CADPS2: variants seen among roughly 807,000 people sequenced by gnomAD.
CADPS2 encodes the protein calcium-dependent secretion activator 2.
A neutral mutation model predicts 172.5 loss-of-function variants in CADPS2; 93 were observed. The observed-to-expected ratio is 0.54, with a 90% CI of 0.46 to 0.64. CADPS2 has a LOEUF of 0.64. CADPS2 is among the 30% of genes least tolerant of loss of function. The probability of loss-of-function intolerance (pLI) is 0.00; values close to 1 mark genes in which losing one functional copy is unlikely to be tolerated. For synonymous variants in CADPS2, 546 were observed against 555.2 expected (o/e 0.98, Z 0.23); for missense variants, 1,420 against 1,565.9 (o/e 0.91, Z 1.57).
chr7:122,421,893 T>C (rs1367452600), intron 17 of CADPS2: 1 of 152,244 alleles, frequency 6.6e-6, no homozygotes, highest in African/African-American at 2.4e-5. Flanking sequence ...GGTGGGTATG[T>C]GTTCGAGTTT....
At chr7:122,541,592 CAT>C (rs1030277028) in intron 8 of CADPS2, among the ~76,000 whole-genome samples, 3 of 141,098 alleles carry the variant, frequency 2.1e-5, no homozygotes, top group Non-Finnish European at 4.6e-5. Flanking sequence ...TTTATATATT[CAT>C]ATATATTTAT....
At chr7:122,878,852 T>C (rs1173585736) in intron 1 of CADPS2, among the ~76,000 whole-genome samples, 2 of 152,110 alleles carry the variant, frequency 1.3e-5, no homozygotes, top group Non-Finnish European at 2.9e-5. Flanking sequence ...TAGTGTTAAA[T>C]TCACATAATA....
At chr7:122,446,030 G>C (rs2052145782) in intron 15 of CADPS2, among the ~76,000 whole-genome samples, 1 of 152,150 alleles carries the variant, frequency 6.6e-6, no homozygotes, top group South Asian at 2.1e-4. Flanking sequence ...TAAGAAGTGA[G>C]AGCAGACATC....
At chr7:122,820,474 T>C (rs1336765850) in intron 1 of CADPS2, among the ~76,000 whole-genome samples, 3 of 150,808 alleles carry the variant, frequency 2.0e-5, no homozygotes, top group Non-Finnish European at 1.5e-5. Context: ...GTTAGTGTGG[T>C]CAGAATTCTT....
At chr7:122,498,513 ATTTC>A (rs1044967051) in intron 9 of CADPS2, among the ~76,000 whole-genome samples, 7 of 151,688 alleles carry the variant, frequency 4.6e-5, no homozygotes, top group African/African-American at 1.7e-4. Context: ...ATATCTTTTA[ATTTC>A]TTTATGTATA....
chr7:122,762,025 T>C (rs2093401884), intron 1 of CADPS2, among the ~76,000 whole-genome samples: 1 of 80,314 alleles, frequency 1.2e-5, no homozygotes, highest in Non-Finnish European at 2.3e-5. Flanking sequence ...TATATATATA[T>C]ATATACACAC....
At chr7:122,539,059 C>T (rs2062632277) in intron 8 of CADPS2, among the ~76,000 whole-genome samples, 1 of 152,056 alleles carries the variant, frequency 6.6e-6, no homozygotes, top group South Asian at 2.1e-4. Flanking sequence ...ACACATTTTA[C>T]AAGGATACAC....
intron 1 of CADPS2, among the ~76,000 whole-genome samples, chr7:122,755,313 G>C (rs187363413): frequency 6.6e-6 from 1 of 152,282 alleles, no homozygotes; most frequent in Admixed American, 6.5e-5. Context: ...TGAAGTTTAA[G>C]ATCTTCAAAA....
intron 6 of CADPS2, among the ~76,000 whole-genome samples, chr7:122,587,306 C>T (rs1011002768): frequency 2.0e-5 from 3 of 152,022 alleles, no homozygotes; most frequent in Admixed American, 2.0e-4. Context: ...TGTTGTTCCC[C>T]TCCCTACGTC....
intron 28 of CADPS2, among the ~76,000 whole-genome samples, chr7:122,341,037 T>A (rs1286471825): frequency 1.3e-5 from 2 of 152,220 alleles, no homozygotes; most frequent in African/African-American, 4.8e-5. Context: ...AAACTTAGCA[T>A]GTGCCTCAGT....
chr7:122,365,075 C>T (rs1207077873), intron 25 of CADPS2, among the ~76,000 whole-genome samples: 1 of 152,144 alleles, frequency 6.6e-6, no homozygotes, highest in African/African-American at 2.4e-5. Flanking sequence ...GCATTTAGGG[C>T]AGAATTTTCT....
At chr7:122,788,498 C>CT (rs1794557776) in intron 1 of CADPS2, among the ~76,000 whole-genome samples, 1 of 152,238 alleles carries the variant, frequency 6.6e-6, no homozygotes, top group African/African-American at 2.4e-5. Context: ...ACAAGCCCTG[C>CT]TTTGCCTTAA....
intron 9 of CADPS2, among the ~76,000 whole-genome samples, chr7:122,501,981 T>C (rs1444494606): frequency 6.6e-6 from 1 of 151,586 alleles, no homozygotes; most frequent in Non-Finnish European, 1.5e-5. Flanking sequence ...TATTATTTTA[T>C]ACATTCTCAT....
At chr7:122,866,610 A>G (rs1180492661) in intron 1 of CADPS2, among the ~76,000 whole-genome samples, 1 of 152,228 alleles carries the variant, frequency 6.6e-6, no homozygotes, top group Admixed American at 6.5e-5. Context: ...CTGAAGCAGG[A>G]GAATTGCTTG....
chr7:122,606,974 G>A (rs756105807), intron 6 of CADPS2, among the ~76,000 whole-genome samples: 12 of 152,076 alleles, frequency 7.9e-5, no homozygotes, highest in Admixed American at 3.3e-4. Flanking sequence ...AGAATTCATC[G>A]GAGAAGAGTT....
chr7:122,612,545 A>G (rs149285149), intron 6 of CADPS2, among the ~76,000 whole-genome samples: 31 of 152,182 alleles, frequency 2.0e-4, no homozygotes, highest in African/African-American at 6.7e-4. Context: ...TTGAAGGTCT[A>G]AATACATAGA....
At chr7:122,487,716 C>T (rs183935792) in intron 11 of CADPS2, among the ~76,000 whole-genome samples, 1 of 152,248 alleles carries the variant, frequency 6.6e-6, no homozygotes, top group Admixed American at 6.5e-5. Context: ...AAGGATATTT[C>T]ATAGTCATGG....
chr7:122,674,478 C>G (rs561538899), intron 2 of CADPS2, among the ~76,000 whole-genome samples: 38 of 152,364 alleles, frequency 2.5e-4, no homozygotes, highest in African/African-American at 7.9e-4. Flanking sequence ...TCCCATTAAT[C>G]TACTCAGCTT....
intron 3 of CADPS2, among the ~76,000 whole-genome samples, chr7:122,649,536 C>T (rs1206615193): frequency 6.6e-6 from 1 of 152,160 alleles, no homozygotes; most frequent in East Asian, 1.9e-4. Context: ...CCTCCACAGA[C>T]CATTTCACTT....
Sources: gnomAD v4.1 joint callset for allele counts (sites outside exome capture counted in the v4.1 genomes callset) on GRCh38, gnomAD v4.1.1 for gene constraint, MANE v1.5 for transcripts, NCBI Gene and HGNC (gene_info 2026-07-23, HGNC 2026-07-21) for gene names.